SZT2: variants seen among roughly 807,000 people sequenced by gnomAD.
SZT2 encodes the protein SZT2 subunit of KICSTOR complex.
A neutral mutation model predicts 404.2 loss-of-function variants in SZT2; 216 were observed. That is an observed-to-expected ratio of 0.53 (90% CI 0.48 to 0.60). The LOEUF is 0.60. Among genes scored for constraint, SZT2 ranks in the 20% least tolerant of loss-of-function variants. The pLI, the probability that SZT2 is intolerant of heterozygous loss-of-function variation, is 0.00. For missense variants in SZT2, 3,857 were observed against 4,459.2 expected (o/e 0.86, Z 3.85); for synonymous variants, 1,693 against 1,749.9 (o/e 0.97, Z 0.81).
At chr1:43,422,925 G>A (rs907912799) in intron 14 of SZT2, 42 bp downstream of exon 14, 3 of 1,536,168 alleles carry the variant, frequency 2.0e-6, no homozygotes, top group African/African-American at 1.4e-5. Flanking sequence ...GAGCCCTAGG[G>A]TGTAGGATAG....
At chr1:43,447,417 C>A in intron 66 of SZT2, 128 bp from the exon 67 acceptor site, 1 of 1,300,956 alleles carries the variant, frequency 7.7e-7, no homozygotes. Flanking sequence ...AATGCAGGAG[C>A]TCCTAAGGAA....
Position 43,431,387 on chromosome 1 carries a change from C to T in SZT2, c.5024+15C>T. On this transcript the variant is annotated intron_variant, in intron 34 of 71. Coordinates refer to ENST00000634258, the MANE Select transcript of SZT2 (RefSeq NM_001365999.1). ...GAAGAGGAGAGGTACTTCTTTATCT[C>T]CCTGTCAGAGTTCATTACTGCTTTT... 6.2e-7 allele frequency: 1 copy of T among 1,612,566 alleles called. No individual in the cohort carries two copies. Among genetic ancestry groups the T allele is most frequent in the Non-Finnish European group, 8.5e-7 (1 of 1,178,588 alleles).
At position 43,452,902 on chromosome 1, in the gene SZT2, C is replaced by G. The variant is rs749994763; in HGVS notation, c.*2422C>G. 1.3e-6 allele frequency: 2 copies of G among 1,598,708 alleles called. No homozygotes were observed. The highest frequency in any genetic ancestry group is 1.7e-6 in the Non-Finnish European group (2 of 1,173,552). On this transcript the variant is annotated 3_prime_UTR_variant, in exon 72 of 72. Coordinates refer to ENST00000634258, the MANE Select transcript of SZT2 (RefSeq NM_001365999.1). ...CCTCCCCATCCCAACAGGCTACATA[C>G]ATGTCCAGCCTCAGGAACGCTGCCA...
rs544696481 is a variant in SZT2, at chr1:43,434,286, C to A, written c.5805-100C>A. 8.4e-5 allele frequency: 87 copies of A among 1,040,392 alleles called. No homozygotes were observed. In the East Asian group the frequency reaches 2.0e-3, roughly 24 times the overall value. 64.4% of individuals were successfully genotyped at this position (1,040,392 alleles called of 1,614,324 possible). ...CCCACCTCCATGACTTTCTCTCCCC[C>A]TCGTGATACGTATAACTGCAGTTAT... On this transcript the variant is annotated intron_variant, in intron 40 of 71. Coordinates refer to ENST00000634258, the MANE Select transcript of SZT2 (RefSeq NM_001365999.1).
chr1:43,390,120 GC>G, intron 1 of SZT2, 125 bp downstream of exon 1: 1 of 1,172,010 alleles, frequency 8.5e-7, no homozygotes, highest in Non-Finnish European at 1.1e-6. Flanking sequence ...GCAGGGACCA[GC>G]CCAGCCCGGA....
Position 43,423,147 on chromosome 1 carries a change from C to G in SZT2, c.2086C>G (p.Arg696Gly). ...GATCCTGCGGCTGCGTTTCCCCCAC[C>G]GGGTACAAAGCAAGGAGCCAACGCC... ...EEILRLRFPHRVQSKEPTPKV... is the reference protein window; with the variant it reads ...EEILRLRFPHGVQSKEPTPKV... The change falls in exon 15 of 72, where the codon CGG becomes GGG. Residue 696 changes from arginine to glycine, a missense_variant. Coordinates refer to ENST00000634258, the MANE Select transcript of SZT2 (RefSeq NM_001365999.1). 2.5e-6 allele frequency: 4 copies of G among 1,596,874 alleles called. No individual in the cohort carries two copies. Among genetic ancestry groups the G allele is most frequent in the Non-Finnish European group, 3.4e-6 (4 of 1,179,172 alleles).
chr1:43,423,099 A>G lies in SZT2; in HGVS notation c.2038A>G (p.Ile680Val), dbSNP rs1345496371. The G allele has an allele frequency of 1.3e-6, 2 of 1,586,724 alleles. No individual in the cohort carries two copies. Among genetic ancestry groups the G allele is most frequent in the Non-Finnish European group, 1.7e-6 (2 of 1,174,446 alleles). The change falls in exon 15 of 72, where the codon ATT becomes GTT. Residue 680 changes from isoleucine (I) to valine (V), a missense_variant and splice_region_variant. By Grantham distance (29) the Ile-to-Val change is conservative (BLOSUM62 3). Transcript: ENST00000634258. Reference sequence around the variant, plus strand: ...GGATGTGACCACATTTTCCCCTCAGATTGTGTCAGGCTTGAGGGAAGAGAT... The same window carrying G: ...GGATGTGACCACATTTTCCCCTCAGGTTGTGTCAGGCTTGAGGGAAGAGAT... ...IGTPAPARHK[I>V]VSGLREEILR...
In SZT2 at chr1:43,431,843, A is replaced by G. The variant is rs1235971957; in HGVS notation, c.5216A>G (p.Gln1739Arg). 1.2e-6 allele frequency: 2 copies of G among 1,614,230 alleles called. No individual in the cohort carries two copies. Residue 1739 changes from glutamine (Q) to arginine (R), a missense_variant, in exon 36 of 72, where the codon CAA becomes CGA. Coordinates refer to ENST00000634258, the MANE Select transcript of SZT2 (RefSeq NM_001365999.1). ...CCTGGACGCTCCACCTGCCTTCGCC[A>G]AACTCTGCCACTGAGTTTTGTATTT... ...SSPGRSTCLR[Q>R]TLPLSFVFGP...
intron 28 of SZT2, 151 bp from the exon 29 acceptor site, chr1:43,429,552 T>G: frequency 1.1e-6 from 1 of 885,412 alleles, no homozygotes; most frequent in Non-Finnish European, 1.7e-6. Flanking sequence ...TGTAGGTTGG[T>G]TCTCTTTGCC....
Position 43,447,582 on chromosome 1 carries a change from C to T in SZT2, c.9324C>T (p.His3108=), listed in dbSNP as rs755804929. The change falls in exon 67 of 72, where the codon CAC becomes CAT. Residue 3108 remains histidine (H), a synonymous_variant. Coordinates refer to ENST00000634258, the MANE Select transcript of SZT2 (RefSeq NM_001365999.1). ...LELPTPLIAA[H]QLYNYVADHA... ...TCCCCACACCACTCATTGCTGCCCA[C>T]CAGCTATACAACTACGTGGCTGATC... 3 of 1,614,076 alleles carry T rather than the reference C, an allele frequency of 1.9e-6. No homozygotes were observed. Among genetic ancestry groups the T allele is most frequent in the Non-Finnish European group, 2.5e-6 (3 of 1,180,040 alleles).
intron 4 of SZT2, chr1:43,412,850 A>T (rs1172640019): frequency 2.6e-5 from 4 of 152,302 alleles, no homozygotes; most frequent in Non-Finnish European, 5.9e-5. Context: ...CTTAAAAAAG[A>T]TCTCAATAGA....
At position 43,404,444 on chromosome 1, in the gene SZT2, G is replaced by C. The variant is rs562799762; in HGVS notation, c.392G>C (p.Gly131Ala). The C allele has an allele frequency of 1.2e-6, 2 of 1,613,990 alleles. No individual in the cohort carries two copies. The highest frequency in any genetic ancestry group is 2.2e-5 in the South Asian group (2 of 91,062). The stretch of plus-strand genomic sequence containing the variant: ...CATGCCCTGTCCCGCTGCTTAGGCG[G>C]GCTGCTTCGGCCCTTCCGAGTGCCT... ...VFHALSRCLG[G>A]LLRPFRVPGS... Residue 131 changes from glycine (G) to alanine (A), a missense_variant, in exon 4 of 72, where the codon GGG (glycine) becomes GCG (alanine). Physicochemically the swap from Gly to Ala is moderately conservative, Grantham distance 60 (BLOSUM62 0). Transcript: ENST00000634258.
At chr1:43,422,664 C>G (rs1557546038) in intron 13 of SZT2, 32 bp downstream of exon 13, 5 of 760,558 alleles carry the variant, frequency 6.6e-6, no homozygotes, top group South Asian at 3.4e-5. Flanking sequence ...CACCCCCCGC[C>G]CCCCCACCCC....
At position 43,427,616 on chromosome 1, in the gene SZT2, A is replaced by T. The variant is rs1403392691; in HGVS notation, c.3685A>T (p.Ser1229Cys). The change falls in exon 26 of 72, where the codon AGT (serine) becomes TGT (cysteine). Residue 1229 changes from serine (S) to cysteine (C), a missense_variant. By Grantham distance (112) the Ser-to-Cys change is moderately radical (BLOSUM62 -1). Transcript: ENST00000634258. ...YAGRQASQTE[S>C]ADGPRTRCPV... ...TGGGCGTCAGGCTTCCCAGACAGAG[A>T]GTGCGGATGGGCCCCGGACCCGGTG... 1 of 1,614,088 alleles carries T rather than the reference A, an allele frequency of 6.2e-7. No homozygotes were observed. Among genetic ancestry groups the T allele is most frequent in the African/African-American group, 1.3e-5 (1 of 74,910 alleles).
chr1:43,452,439 G>T lies in SZT2; in HGVS notation c.*1959G>T, dbSNP rs1366788079. The stretch of plus-strand genomic sequence containing the variant: ...CAGGTCTCCAGTCCATGGCACCTGG[G>T]TCACGATGCCCAGGTATCCCAGCAC... On this transcript the variant is annotated 3_prime_UTR_variant, in exon 72 of 72. Transcript: ENST00000634258. 1 of 782,372 alleles carries T rather than the reference G, an allele frequency of 1.3e-6. No homozygotes were observed. The highest frequency in any genetic ancestry group is 2.0e-5 in the Admixed American group (1 of 50,052). 48.5% of individuals were successfully genotyped at this position (782,372 alleles called of 1,614,324 possible).
intron 4 of SZT2, among the ~76,000 whole-genome samples, chr1:43,408,622 T>A (rs974761108): frequency 6.6e-6 from 1 of 152,198 alleles, no homozygotes; most frequent in East Asian, 1.9e-4. Context: ...TGTGTGTCAC[T>A]AAATATTCTT....
chr1:43,443,533 C>T (rs1163390822), intron 61 of SZT2, 56 bp downstream of exon 61: 15 of 1,613,298 alleles, frequency 9.3e-6, no homozygotes, highest in Middle Eastern at 1.6e-4. Context: ...AGTGACCCCC[C>T]TCCTCCATCC....
chr1:43,431,373 G>A lies in SZT2; in HGVS notation c.5024+1G>A, dbSNP rs1352568579. On this transcript the variant is annotated splice_donor_variant, in intron 34 of 71. Transcript: ENST00000634258. LOFTEE classifies it high-confidence loss of function. ...CACTGCCACCCCCAGAAGAGGAGAGGTACTTCTTTATCTCCCTGTCAGAGT... is the reference window on the plus strand; with the variant it reads ...CACTGCCACCCCCAGAAGAGGAGAGATACTTCTTTATCTCCCTGTCAGAGT... The A allele has an allele frequency of 6.2e-7, 1 of 1,611,998 alleles. No individual in the cohort carries two copies. The highest frequency in any genetic ancestry group is 1.1e-5 in the South Asian group (1 of 91,026).
chr1:43,425,410 C>T lies in SZT2; in HGVS notation c.2646-64C>T. ...GCTGTCCTCTGTGCCTGCCTCCTTC[C>T]CTCCATGAGGTTCACTCCCTGCCAT... On this transcript the variant is annotated intron_variant, in intron 18 of 71. Coordinates refer to ENST00000634258, the MANE Select transcript of SZT2 (RefSeq NM_001365999.1). This position sits in a 1 kb window ranked among gnomAD's most constrained non-coding sequence, Gnocchi z 4.3. 1 of 1,598,364 alleles carries T rather than the reference C, an allele frequency of 6.3e-7. No individual in the cohort carries two copies. Among genetic ancestry groups the T allele is most frequent in the South Asian group, 1.1e-5 (1 of 88,688 alleles).
Sources: gnomAD v4.1 joint callset for allele counts (sites outside exome capture counted in the v4.1 genomes callset) on GRCh38, gnomAD v4.1.1 for gene constraint, Gnocchi (gnomAD v3.1) non-coding constraint, MANE v1.5 for transcripts, NCBI Gene and HGNC (gene_info 2026-07-23, HGNC 2026-07-21) for gene names.